STARD13: variants seen among roughly 807,000 people sequenced by gnomAD.
STARD13 encodes stAR-related lipid transfer protein 13.
STARD13 carries 62 observed loss-of-function variants against 106.4 expected under a neutral mutation model. That is an observed-to-expected ratio of 0.58 (90% CI 0.48 to 0.72). The LOEUF is 0.72. Among genes scored for constraint, STARD13 ranks in the 30% least tolerant of loss-of-function variants. STARD13 has a pLI of 0.00. For synonymous variants in STARD13, 565 were observed against 553.0 expected (o/e 1.02, Z -0.31); for missense variants, 1,387 against 1,424.0 (o/e 0.97, Z 0.42).
At chr13:33,427,399 C>T in the STARD13 span, among the ~76,000 whole-genome samples, 1 of 152,094 alleles carries the variant, frequency 6.6e-6, no homozygotes, top group East Asian at 1.9e-4. Context: ...TCAATAAATC[C>T]GTTAAGGAAA....
the STARD13 span, among the ~76,000 whole-genome samples, chr13:33,373,754 T>C: frequency 6.7e-6 from 1 of 149,772 alleles, no homozygotes; most frequent in Non-Finnish European, 1.5e-5. Context: ...CTCAGACCTA[T>C]ACCATTAGGA....
At chr13:33,200,203 C>T (rs1427018161) in intron 1 of STARD13, among the ~76,000 whole-genome samples, 1 of 152,236 alleles carries the variant, frequency 6.6e-6, no homozygotes, top group African/African-American at 2.4e-5. Flanking sequence ...TCCCTGCCAT[C>T]CCCTAAGGGT....
intron 1 of STARD13, among the ~76,000 whole-genome samples, chr13:33,208,785 T>C (rs181553641): frequency 8.9e-4 from 136 of 152,290 alleles, no homozygotes; most frequent in Non-Finnish European, 8.8e-4. Context: ...CAGGGAGATA[T>C]GTCTTAGGAA....
intron 1 of STARD13, among the ~76,000 whole-genome samples, chr13:33,327,718 A>G (rs990274083): frequency 3.3e-5 from 5 of 152,206 alleles, no homozygotes; most frequent in Non-Finnish European, 5.9e-5. Flanking sequence ...TTGTAAGTAA[A>G]TAAGTATAAT....
At chr13:33,570,922 T>C in the STARD13 span, among the ~76,000 whole-genome samples, 1 of 152,310 alleles carries the variant, frequency 6.6e-6, no homozygotes, top group South Asian at 2.1e-4. Flanking sequence ...TTGAAAGATA[T>C]ACAGAAAGAT....
the STARD13 span, among the ~76,000 whole-genome samples, chr13:33,464,037 A>ATATATATGTATATGTATATG: frequency 6.7e-3 from 938 of 140,990 alleles, 13 homozygotes; most frequent in African/African-American, 0.022. Context: ...ATATATATAT[A>ATATATATGTATATGTATATG]TATATGTATA....
At chr13:33,206,066 C>T (rs932370092) in intron 1 of STARD13, 3 of 966,726 alleles carry the variant, frequency 3.1e-6, no homozygotes. Flanking sequence ...TGGTTTTGGC[C>T]CCGCCTCCAG....
At chr13:33,631,381 A>T in the STARD13 span, among the ~76,000 whole-genome samples, 1 of 152,254 alleles carries the variant, frequency 6.6e-6, no homozygotes, top group African/African-American at 2.4e-5. Context: ...TCATAAAATC[A>T]GGTAGACATT....
the STARD13 span, among the ~76,000 whole-genome samples, chr13:33,376,483 C>G: frequency 6.6e-6 from 1 of 152,038 alleles, no homozygotes; most frequent in Non-Finnish European, 1.5e-5. Context: ...GAAGGATTAG[C>G]CAGGCACCTA....
At chr13:33,621,027 TA>T in the STARD13 span, among the ~76,000 whole-genome samples, 1 of 151,728 alleles carries the variant, frequency 6.6e-6, no homozygotes, top group Non-Finnish European at 1.5e-5. Context: ...TAAATGTTTA[TA>T]TTAGAAAAAA....
At chr13:33,506,878 A>G in the STARD13 span, among the ~76,000 whole-genome samples, 1 of 152,156 alleles carries the variant, frequency 6.6e-6, no homozygotes, top group African/African-American at 2.4e-5. Flanking sequence ...TTGAGAGGCC[A>G]AGATGGGAGG....
chr13:33,662,578 A>T, the STARD13 span, among the ~76,000 whole-genome samples: 1 of 152,188 alleles, frequency 6.6e-6, no homozygotes, highest in Admixed American at 6.5e-5. Context: ...CTTTAACTTC[A>T]CGTTCTGCCG....
At chr13:33,123,420 T>C (rs997731409) in intron 7 of STARD13, among the ~76,000 whole-genome samples, 5 of 152,246 alleles carry the variant, frequency 3.3e-5, no homozygotes, top group African/African-American at 1.2e-4. Flanking sequence ...GGAAGGTTGG[T>C]TTTCTTGAGA....
At chr13:33,617,641 A>G in the STARD13 span, among the ~76,000 whole-genome samples, 1 of 152,322 alleles carries the variant, frequency 6.6e-6, no homozygotes, top group Admixed American at 6.5e-5. Context: ...GAACCTTTGA[A>G]ATGTTGGATA....
chr13:33,395,452 C>T, the STARD13 span, among the ~76,000 whole-genome samples: 3 of 151,756 alleles, frequency 2.0e-5, no homozygotes, highest in Non-Finnish European at 2.9e-5. Context: ...AAAACGCAAG[C>T]GTTTAAATGA....
intron 3 of STARD13, among the ~76,000 whole-genome samples, chr13:33,162,400 G>C (rs1051756778): frequency 1.3e-5 from 2 of 152,168 alleles, no homozygotes; most frequent in South Asian, 2.1e-4. Context: ...TTACCATTTG[G>C]CTCCTTGACA....
At chr13:33,532,394 A>T in the STARD13 span, among the ~76,000 whole-genome samples, 19 of 152,322 alleles carry the variant, frequency 1.2e-4, no homozygotes, top group East Asian at 3.7e-3. Flanking sequence ...TAATTGTGGT[A>T]GAGTGTCTTG....
intron 1 of STARD13, among the ~76,000 whole-genome samples, chr13:33,261,326 C>A (rs1890629216): frequency 1.3e-5 from 2 of 152,258 alleles, no homozygotes; most frequent in South Asian, 4.1e-4. Context: ...AAAACAATTA[C>A]CTGGCCCCCA....
At chr13:33,116,908 T>C (rs577496258) in intron 8 of STARD13, among the ~76,000 whole-genome samples, 1 of 152,230 alleles carries the variant, frequency 6.6e-6, no homozygotes, top group Non-Finnish European at 1.5e-5. Flanking sequence ...ACACATTTTA[T>C]ACAGAATTCT....
Sources: gnomAD v4.1 joint callset for allele counts (sites outside exome capture counted in the v4.1 genomes callset) on GRCh38, gnomAD v4.1.1 for gene constraint, MANE v1.5 for transcripts, NCBI Gene and HGNC (gene_info 2026-07-23, HGNC 2026-07-21) for gene names.